Variants in LYST observed in about 807,000 individuals in gnomAD.
The protein encoded by LYST is lysosomal-trafficking regulator.
A neutral mutation model predicts 413.6 loss-of-function variants in LYST; 192 were observed. That is an observed-to-expected ratio of 0.46 (90% CI 0.41 to 0.52). LYST has a LOEUF of 0.52. Among genes scored for constraint, LYST ranks in the 20% least tolerant of loss-of-function variants. LYST has a pLI of 0.00. For missense variants in LYST, 3,815 were observed against 4,499.9 expected (o/e 0.85, Z 4.35); for synonymous variants, 1,525 against 1,567.3 (o/e 0.97, Z 0.64).
In LYST at chr1:235,762,903, G is replaced by A. The variant is rs6698287; in HGVS notation, c.6122-52C>T. ...GCAAAATTTTTAAAAAGGATAAAAC[G>A]AAAATATAACTTTAAAAGCAGATCA... is the stretch of plus-strand genomic sequence containing the variant. On this transcript the variant is annotated intron_variant, in intron 21 of 52. Coordinates refer to ENST00000389793, the MANE Select transcript of LYST (RefSeq NM_000081.4). 10,683 of 1,373,912 alleles carry A rather than the reference G, an allele frequency of 7.8e-3. 629 individuals carry two copies. In the African/African-American group the frequency reaches 0.13, roughly 17 times the overall value. The allele number at this position is 1,373,912 out of a possible 1,614,324, so 85.1% of individuals were successfully genotyped here.
intron 9 of LYST, 134 bp from the exon 10 acceptor site, chr1:235,800,520 C>CA: frequency 1.6e-6 from 1 of 632,822 alleles, no homozygotes; most frequent in East Asian, 2.8e-5. Context: ...ACTAAAAAGA[C>CA]TACTATGTGT....
Position 235,808,684 on chromosome 1 carries a change from C to T in LYST, c.2134G>A (p.Ala712Thr), listed in dbSNP as rs1302537598. The change falls in exon 5 of 53, where the codon GCA becomes ACA. Residue 712 changes from alanine (A) to threonine (T), a missense_variant. This residue lies in a region of LYST where 1,648 missense variants were observed against 1,810.3 expected (regional missense o/e 0.91). Coordinates refer to ENST00000389793, the MANE Select transcript of LYST (RefSeq NM_000081.4). ...TGGATTAAATTGCAAATGTGATTTG[C>T]AATCTGTATACTATGTAATCTGTCT... ...EEDRLHSIQIANHICNLIQKG... is the reference protein window; with the variant it reads ...EEDRLHSIQITNHICNLIQKG... 1.2e-6 allele frequency: 2 copies of T among 1,613,778 alleles called. No individual in the cohort carries two copies. Among genetic ancestry groups the T allele is most frequent in the Non-Finnish European group, 1.7e-6 (2 of 1,179,814 alleles).
intron 48 of LYST, among the ~76,000 whole-genome samples, chr1:235,681,835 T>TC (rs1659839422): frequency 6.6e-6 from 1 of 152,194 alleles, no homozygotes; most frequent in Non-Finnish European, 1.5e-5. Flanking sequence ...TCATTTTTTT[T>TC]CTTTATCTTT....
At chr1:235,734,458 A>G (rs1664645496) in intron 32 of LYST, 25 bp downstream of exon 32, 3 of 1,592,846 alleles carry the variant, frequency 1.9e-6, no homozygotes, top group Non-Finnish European at 2.6e-6. Context: ...TCTCCTAAGA[A>G]AGTACTATGG....
At position 235,767,327 on chromosome 1, in the gene LYST, A is replaced by G. The variant is rs549944140; in HGVS notation, c.5923-1050T>C. 5.3e-5 allele frequency among the ~76,000 whole-genome samples: 8 copies of G among 152,166 alleles called. No individual in the cohort carries two copies. The South Asian group carries it at 1.7e-3, about 32-fold the overall frequency. On this transcript the variant is annotated intron_variant, in intron 20 of 52. Transcript: ENST00000389793. ...ACTTAAAATGTAGATGTTAATTTTG[A>G]AACAATTTAGTTCGACTACCTCAGA...
rs145892183 is a variant in LYST, at chr1:235,806,190, A to G, written c.2946T>C (p.Tyr982=). Residue 982 remains tyrosine (Y), a synonymous_variant, in exon 6 of 53, where the codon TAT becomes TAC. Coordinates refer to ENST00000389793, the MANE Select transcript of LYST (RefSeq NM_000081.4). ...GGCATACTCGGAAACCACCAAGCCT[A>G]TAAAACTGTTTCTGGAACACTGAAC... is the stretch of plus-strand genomic sequence containing the variant. ...MLSSVFQKQF[Y]RLGGFRVCHK... is the part of the protein sequence containing the mutation. 4.9e-4 allele frequency: 791 copies of G among 1,613,944 alleles called. 2 individuals carry two copies. Among genetic ancestry groups the G allele is most frequent in the Non-Finnish European group, 5.6e-4 (660 of 1,179,978 alleles).
At position 235,662,894 on chromosome 1, in the gene LYST, T is replaced by C. The variant is rs780238244; in HGVS notation, c.*46A>G. On this transcript the variant is annotated 3_prime_UTR_variant, in exon 53 of 53. Coordinates refer to ENST00000389793, the MANE Select transcript of LYST (RefSeq NM_000081.4). Reference sequence around the variant, plus strand: ...CTAAAACTGGTGAAGTCAACAAATCTAGTTTGGAGTTAAAGTGCTTTGGAG... The same window carrying C: ...CTAAAACTGGTGAAGTCAACAAATCCAGTTTGGAGTTAAAGTGCTTTGGAG... 5.3e-5 allele frequency: 56 copies of C among 1,061,482 alleles called. No individual in the cohort carries two copies. The South Asian group carries it at 6.6e-4, about 13-fold the overall frequency. The allele number at this position is 1,061,482 out of a possible 1,614,324, so 65.8% of individuals were successfully genotyped here. A position where few individuals can be genotyped will look rare whatever the true frequency, so the allele number is the denominator to read the frequency against.
chr1:235,723,918 A>T, intron 39 of LYST, 110 bp downstream of exon 39: 1 of 964,890 alleles, frequency 1.0e-6, no homozygotes, highest in Non-Finnish European at 1.6e-6. Flanking sequence ...ACTAAGAAAC[A>T]TGGCAATTTT....
chr1:235,728,418 C>T (rs1664087756), intron 37 of LYST, among the ~76,000 whole-genome samples: 1 of 152,176 alleles, frequency 6.6e-6, no homozygotes, highest in Non-Finnish European at 1.5e-5. Context: ...TGCATATGTG[C>T]TCAGTGCTAA....
chr1:235,726,806 ACT>A (rs111789893), intron 38 of LYST, among the ~76,000 whole-genome samples: 5,353 of 152,194 alleles, frequency 0.035, 322 homozygotes, highest in African/African-American at 0.12. Context: ...ATGGACTCAG[ACT>A]CTTCTGTCAC....
At position 235,798,576 on chromosome 1, in the gene LYST, C is replaced by CTTAAAA. The variant is rs1558261064; in HGVS notation, c.4006+1743_4006+1744insTTTTAA. 1.3e-3 allele frequency among the ~76,000 whole-genome samples: 31 copies of CTTAAAA among 24,542 alleles called. 6 individuals carry two copies. Among genetic ancestry groups the CTTAAAA allele is most frequent in the African/African-American group, 4.1e-3 (30 of 7,324 alleles). 16.1% of individuals were successfully genotyped at this position (24,542 alleles called of 152,430 possible). A position where few individuals can be genotyped will look rare whatever the true frequency, so the allele number is the denominator to read the frequency against. On this transcript the variant is annotated intron_variant, in intron 10 of 52. Transcript: ENST00000389793. ...CTTGGCGACAAGGGCAAAACCCTGT[C>CTTAAAA]ATAAAAAAAAAAAAAAAAAAAAAAA... is the stretch of plus-strand genomic sequence containing the variant.
chr1:235,699,838 A>G (rs1330707716), intron 45 of LYST, among the ~76,000 whole-genome samples: 1 of 152,108 alleles, frequency 6.6e-6, no homozygotes, highest in Non-Finnish European at 1.5e-5. Flanking sequence ...AGTGATCCTG[A>G]GCTTTTTTCC....
Position 235,724,099 on chromosome 1 carries a change from A to G in LYST, c.9244T>C (p.Leu3082=), listed in dbSNP as rs906201774. The G allele has an allele frequency of 5.0e-6, 8 of 1,613,300 alleles. No individual in the cohort carries two copies. The highest frequency in any genetic ancestry group is 6.8e-6 in the Non-Finnish European group (8 of 1,179,394). Residue 3082 remains leucine, a synonymous_variant, in exon 39 of 53, where the codon TTG becomes CTG. Transcript: ENST00000389793. ...AAGATTTCTACAGCATTATCTCTCA[A>G]TTGCCACCAACGCTTGTGAACTTCT... ...IKEVHKRWWQ[L]RDNAVEIFLT... is the part of the protein sequence containing the mutation.
rs1460164142 is a variant in LYST at position 235,751,322 on chromosome 1, A to G, written c.7668T>C (p.Ala2556=). ...VALQLRVLQA[A]MEFIRTTANH... ...TTGCGGTGGTCCTTATAAATTCCAT[A>G]GCAGCCTGGAGAACTCTAAGCTGTA... The change falls in exon 28 of 53, where the codon GCT becomes GCC. Residue 2556 remains alanine (A), a synonymous_variant. Coordinates refer to ENST00000389793, the MANE Select transcript of LYST (RefSeq NM_000081.4). 2 of 1,613,594 alleles carry G rather than the reference A, an allele frequency of 1.2e-6. No homozygotes were observed. Among genetic ancestry groups the G allele is most frequent in the Non-Finnish European group, 1.7e-6 (2 of 1,179,662 alleles).
intron 1 of LYST, among the ~76,000 whole-genome samples, chr1:235,875,671 C>T (rs551030215): frequency 6.6e-6 from 1 of 152,246 alleles, no homozygotes; most frequent in South Asian, 2.1e-4. Flanking sequence ...CATGGCAAGA[C>T]CCTATCTCTA....
chr1:235,756,063 G>A (rs3047775), intron 24 of LYST, among the ~76,000 whole-genome samples: 38 of 100,524 alleles, frequency 3.8e-4, no homozygotes, highest in African/African-American at 1.1e-3. Flanking sequence ...ATCTATATCT[G>A]TATCTATATC....
chr1:235,699,380 T>G (rs937671058), intron 45 of LYST, among the ~76,000 whole-genome samples: 5 of 152,186 alleles, frequency 3.3e-5, no homozygotes, highest in African/African-American at 1.2e-4. Flanking sequence ...GGATGAGGGC[T>G]TCCAGCTTCA....
intron 10 of LYST, among the ~76,000 whole-genome samples, chr1:235,794,200 A>T (rs1023374494): frequency 5.3e-5 from 8 of 152,208 alleles, no homozygotes; most frequent in African/African-American, 1.7e-4. Flanking sequence ...TTAAAGAAAC[A>T]TAAATCAATA....
intron 46 of LYST, among the ~76,000 whole-genome samples, chr1:235,694,089 A>C (rs1036979662): frequency 6.7e-6 from 1 of 149,552 alleles, no homozygotes; most frequent in Non-Finnish European, 1.5e-5. Context: ...GGCTCACTGC[A>C]ACCTCCGCTT....
Sources: allele counts gnomAD v4.1 joint callset (sites outside exome capture counted in the v4.1 genomes callset), GRCh38; gene constraint gnomAD v4.1.1; regional missense constraint gnomAD v4.1.1; transcripts MANE v1.5; gene names NCBI Gene and HGNC (gene_info 2026-07-23, HGNC 2026-07-21).